GRIA1: variants seen among roughly 807,000 people sequenced by gnomAD.
The protein encoded by GRIA1 is glutamate ionotropic receptor AMPA type subunit 1, also known as glutamate receptor 1.
In GRIA1, 31 loss-of-function variants were observed where a neutral mutation model predicts 99.2. The ratio of observed to expected loss-of-function variants is 0.31; its 90% CI spans 0.23 to 0.42. The LOEUF (loss-of-function observed/expected upper bound fraction) is 0.42, where lower values mean the gene tolerates loss of function less well. Among genes scored for constraint, GRIA1 ranks in the 10% least tolerant of loss-of-function variants. The pLI, the probability that GRIA1 is intolerant of heterozygous loss-of-function variation, is 1.00. For missense variants in GRIA1, 782 were observed against 1,157.5 expected (o/e 0.68, Z 4.71); for synonymous variants, 438 against 432.4 (o/e 1.01, Z -0.16).
At chr5:153,500,670 G>A (rs1474202482) in intron 2 of GRIA1, among the ~76,000 whole-genome samples, 7 of 142,260 alleles carry the variant, frequency 4.9e-5, no homozygotes, top group African/African-American at 1.6e-4. Flanking sequence ...GAGGAAGGAA[G>A]GAAAACCTTT....
intron 13 of GRIA1, among the ~76,000 whole-genome samples, chr5:153,771,448 A>T (rs1763877135): frequency 6.6e-6 from 1 of 152,238 alleles, no homozygotes; most frequent in African/African-American, 2.4e-5. Flanking sequence ...CTAAGCCCCA[A>T]CATTGTTCTG....
At position 153,753,433 on chromosome 5, in the gene GRIA1, A is replaced by G. The variant is rs28513256; in HGVS notation, c.1824-11001A>G. Among the ~76,000 whole-genome samples, 497 of 152,288 alleles carry G rather than the reference A, an allele frequency of 3.3e-3. 2 individuals are homozygous for G. The highest frequency in any genetic ancestry group is 0.011 in the African/African-American group (469 of 41,556). Reference sequence around the variant, plus strand: ...TAAAGAAGTCCATGTCCACCCATAAATGAATCAGAATTAGGTGAGGGAGGT... The same window carrying G: ...TAAAGAAGTCCATGTCCACCCATAAGTGAATCAGAATTAGGTGAGGGAGGT... On this transcript the variant is annotated intron_variant, in intron 11 of 15. Coordinates refer to ENST00000285900, the MANE Select transcript of GRIA1 (RefSeq NM_000827.4).
At chr5:153,603,422 C>G (rs1255588004) in intron 2 of GRIA1, among the ~76,000 whole-genome samples, 1 of 152,010 alleles carries the variant, frequency 6.6e-6, no homozygotes, top group African/African-American at 2.4e-5. Flanking sequence ...GATTTATAGC[C>G]CTTTGGCTAT....
chr5:153,570,275 AGAGAAATAATAAACCTATTTAG>A (rs1390064532), intron 2 of GRIA1, among the ~76,000 whole-genome samples: 53 of 152,310 alleles, frequency 3.5e-4, no homozygotes, highest in African/African-American at 1.1e-3. Context: ...TATATCTGGG[AGAGAAATAATAAACCTATTTAG>A]ATGCTAATTG....
At chr5:153,499,672 A>G (rs1281899848) in intron 2 of GRIA1, among the ~76,000 whole-genome samples, 2 of 151,524 alleles carry the variant, frequency 1.3e-5, no homozygotes, top group South Asian at 2.1e-4. Context: ...AAAGTACCAT[A>G]GCAGTGAAAT....
chr5:153,665,665 T>G (rs1377896909), intron 5 of GRIA1, among the ~76,000 whole-genome samples: 1 of 152,206 alleles, frequency 6.6e-6, no homozygotes, highest in African/African-American at 2.4e-5. Context: ...CATAGAATTG[T>G]AGATCAAAGC....
chr5:153,642,171 G>A (rs1561719460), intron 2 of GRIA1, among the ~76,000 whole-genome samples: 2 of 152,296 alleles, frequency 1.3e-5, no homozygotes, highest in South Asian at 2.1e-4. Context: ...CTACATGAGA[G>A]GATTTTCCAG....
At chr5:153,545,709 C>A (rs920898297) in intron 2 of GRIA1, among the ~76,000 whole-genome samples, 3 of 152,182 alleles carry the variant, frequency 2.0e-5, no homozygotes, top group African/African-American at 4.8e-5. Flanking sequence ...GTCTCTGTCA[C>A]AATTACTCAA....
chr5:153,626,448 G>A (rs1481802549), intron 2 of GRIA1, among the ~76,000 whole-genome samples: 6 of 63,586 alleles, frequency 9.4e-5, no homozygotes, highest in South Asian at 8.1e-4. Flanking sequence ...GTGTGTCTGT[G>A]TGTGTGTGTG....
intron 2 of GRIA1, among the ~76,000 whole-genome samples, chr5:153,585,111 T>C (rs1763357196): frequency 6.6e-6 from 1 of 152,122 alleles, no homozygotes; most frequent in Admixed American, 6.5e-5. Flanking sequence ...TCTTAGGTGC[T>C]GGGTACACAC....
intron 2 of GRIA1, among the ~76,000 whole-genome samples, chr5:153,524,427 T>G (rs1757426828): frequency 6.6e-6 from 1 of 150,984 alleles, no homozygotes. Flanking sequence ...AATCTTATTT[T>G]GGAAGAGCTC....
chr5:153,577,073 G>GATGC (rs1762616908), intron 2 of GRIA1, among the ~76,000 whole-genome samples: 1 of 147,662 alleles, frequency 6.8e-6, no homozygotes, highest in South Asian at 2.3e-4. Flanking sequence ...TGGATGGATG[G>GATGC]ATGGATGAGT....
intron 2 of GRIA1, among the ~76,000 whole-genome samples, chr5:153,503,475 A>G (rs1419589751): frequency 6.6e-6 from 1 of 152,236 alleles, no homozygotes; most frequent in African/African-American, 2.4e-5. Context: ...AGGGTAATAT[A>G]ATTAACCAGG....
Position 153,768,937 on chromosome 5 carries a change from T to C in GRIA1, c.2023-1231T>C, listed in dbSNP as rs372892753. 5.6e-4 allele frequency among the ~76,000 whole-genome samples: 86 copies of C among 152,314 alleles called. 1 individual carries two copies. In the Middle Eastern group the frequency reaches 0.02, roughly 36 times the overall value. ...TACCCTTTGGGAAAAGGTCACCGTT[T>C]AGAAACAGTATGCTAGATGAGAAGT... On this transcript the variant is annotated intron_variant, in intron 12 of 15. Coordinates refer to ENST00000285900, the MANE Select transcript of GRIA1 (RefSeq NM_000827.4).
intron 13 of GRIA1, among the ~76,000 whole-genome samples, chr5:153,785,428 A>G (rs866330223): frequency 6.6e-6 from 1 of 152,220 alleles, no homozygotes; most frequent in African/African-American, 2.4e-5. Flanking sequence ...ACAAAAAAAT[A>G]AAATGGTAAA....
chr5:153,715,478 C>G (rs995020386), intron 11 of GRIA1, among the ~76,000 whole-genome samples: 3 of 152,084 alleles, frequency 2.0e-5, no homozygotes, highest in African/African-American at 7.2e-5. Context: ...GACTCTACTA[C>G]CTACTAGCTG....
Position 153,670,197 on chromosome 5 carries a change from G to A in GRIA1, c.700-4303G>A, listed in dbSNP as rs925407358. On this transcript the variant is annotated intron_variant, in intron 5 of 15. Transcript: ENST00000285900. Reference sequence around the variant, plus strand: ...TCTCACCGATTTATTAGTCACACATGGGGCAATGTGAAATGCTACATAGGT... The same window carrying A: ...TCTCACCGATTTATTAGTCACACATAGGGCAATGTGAAATGCTACATAGGT... Among the ~76,000 whole-genome samples the A allele has an allele frequency of 5.3e-5, 8 of 152,162 alleles. No homozygotes were observed. The East Asian group carries it at 1.3e-3, about 26-fold the overall frequency.
chr5:153,722,515 G>A (rs1304675184), intron 11 of GRIA1, among the ~76,000 whole-genome samples: 2 of 152,102 alleles, frequency 1.3e-5, no homozygotes, highest in African/African-American at 2.4e-5. Context: ...TTTTTTGTTT[G>A]TTTGTTGGTA....
intron 11 of GRIA1, among the ~76,000 whole-genome samples, chr5:153,725,465 C>T (rs948896377): frequency 2.3e-5 from 3 of 129,644 alleles, no homozygotes; most frequent in African/African-American, 9.0e-5. Context: ...ATTGGATAGT[C>T]AAGACCCATC....
Sources: allele counts gnomAD v4.1 joint callset (sites outside exome capture counted in the v4.1 genomes callset), GRCh38; gene constraint gnomAD v4.1.1; transcripts MANE v1.5; gene names NCBI Gene and HGNC (gene_info 2026-07-23, HGNC 2026-07-21).